Variants in ADGRB3 observed in about 807,000 individuals in gnomAD.
ADGRB3 encodes the protein adhesion G protein-coupled receptor B3.
In ADGRB3, 37 loss-of-function variants were observed where a neutral mutation model predicts 193.4. The ratio of observed to expected loss-of-function variants is 0.19; its 90% CI spans 0.15 to 0.25. The LOEUF (loss-of-function observed/expected upper bound fraction) is 0.25, where lower values mean the gene tolerates loss of function less well. Among genes scored for constraint, ADGRB3 ranks in the 10% least tolerant of loss-of-function variants. The pLI is 1.00. For missense variants in ADGRB3, 1,637 were observed against 1,852.9 expected, an observed-to-expected ratio of 0.88 and a Z score of 2.14; for synonymous variants, 690 against 644.2, an observed-to-expected ratio of 1.07 and a Z score of -1.08.
intron 15 of ADGRB3, among the ~76,000 whole-genome samples, chr6:69,051,122 TA>T (rs1360707254): frequency 1.3e-5 from 2 of 151,986 alleles, no homozygotes; most frequent in African/African-American, 4.8e-5. Flanking sequence ...TGTTTCAACT[TA>T]AAAAAAATTT....
intron 3 of ADGRB3, among the ~76,000 whole-genome samples, chr6:68,825,795 G>A (rs2127381924): frequency 6.6e-6 from 1 of 152,264 alleles, no homozygotes; most frequent in East Asian, 1.9e-4. Context: ...CTACCCCTTT[G>A]CTTTCCGCAA....
At chr6:68,859,217 C>T (rs1765081248) in intron 3 of ADGRB3, among the ~76,000 whole-genome samples, 1 of 152,192 alleles carries the variant, frequency 6.6e-6, no homozygotes, top group Non-Finnish European at 1.5e-5. Context: ...ACAAATTCCC[C>T]ATCTCCATCT....
chr6:69,056,422 G>T (rs1317298640), intron 15 of ADGRB3, among the ~76,000 whole-genome samples: 2 of 151,934 alleles, frequency 1.3e-5, no homozygotes, highest in African/African-American at 2.4e-5. Context: ...TTCATAGGTG[G>T]CCTTTTCATT....
At chr6:68,691,010 C>T (rs1765063251) in intron 3 of ADGRB3, among the ~76,000 whole-genome samples, 1 of 152,044 alleles carries the variant, frequency 6.6e-6, no homozygotes, top group South Asian at 2.1e-4. Flanking sequence ...TCCAACAGTG[C>T]AACATTATTT....
intron 3 of ADGRB3, among the ~76,000 whole-genome samples, chr6:68,733,096 T>C (rs1305260676): frequency 6.6e-6 from 1 of 151,782 alleles, no homozygotes; most frequent in Admixed American, 6.6e-5. Flanking sequence ...AGAACTACTG[T>C]TCCACCTGGC....
intron 8 of ADGRB3, among the ~76,000 whole-genome samples, chr6:68,965,362 C>G (rs1373472412): frequency 6.6e-6 from 1 of 152,140 alleles, no homozygotes; most frequent in Non-Finnish European, 1.5e-5. Context: ...TCTGCATCCT[C>G]CAGCACAGGG....
intron 26 of ADGRB3, among the ~76,000 whole-genome samples, chr6:69,341,303 CCTTT>C (rs1157217556): frequency 6.6e-6 from 1 of 152,156 alleles, no homozygotes; most frequent in Admixed American, 6.5e-5. Flanking sequence ...TTAATGATCG[CCTTT>C]CTAACTGGCA....
chr6:68,645,103 C>G (rs1768168722), intron 3 of ADGRB3, among the ~76,000 whole-genome samples: 1 of 151,932 alleles, frequency 6.6e-6, no homozygotes, highest in Admixed American at 6.6e-5. Context: ...GTATGTATTA[C>G]CTATAAAAGC....
At chr6:69,332,520 A>G (rs898297596) in intron 23 of ADGRB3, 1 of 985,282 alleles carries the variant, frequency 1.0e-6, no homozygotes, top group African/African-American at 1.7e-5. Flanking sequence ...GCCAGGGCTC[A>G]CCCTAACCTC....
intron 3 of ADGRB3, among the ~76,000 whole-genome samples, chr6:68,763,966 A>C (rs1766461655): frequency 6.6e-6 from 1 of 152,128 alleles, no homozygotes; most frequent in African/African-American, 2.4e-5. Context: ...CCAGCTACTC[A>C]GGAGGCTGAG....
Position 69,050,080 on chromosome 6 carries a change from A to G in ADGRB3, c.2333+734A>G, listed in dbSNP as rs530575642. On this transcript the variant is annotated intron_variant, in intron 15 of 31. Coordinates refer to ENST00000370598, the MANE Select transcript of ADGRB3 (RefSeq NM_001704.3). ...AGAGATAAAGTTGTTTTAGTTAAAT[A>G]CGATCACAGTTGGACTTCTTTGTTA... 1.1e-4 allele frequency among the ~76,000 whole-genome samples: 16 copies of G among 152,368 alleles called. No homozygotes were observed. The South Asian group carries it at 3.1e-3, about 30-fold the overall frequency.
At chr6:69,005,711 C>T (rs980561068) in intron 11 of ADGRB3, among the ~76,000 whole-genome samples, 1 of 152,100 alleles carries the variant, frequency 6.6e-6, no homozygotes, top group Non-Finnish European at 1.5e-5. Flanking sequence ...CCAGCCCTGC[C>T]ATCAGAAGCC....
chr6:68,930,947 TAAAG>T (rs956166404), intron 4 of ADGRB3, among the ~76,000 whole-genome samples: 15 of 152,084 alleles, frequency 9.9e-5, no homozygotes, highest in African/African-American at 3.4e-4. Flanking sequence ...ATTAAACTTT[TAAAG>T]AAAGACAGCC....
At chr6:69,103,605 A>G (rs1239676216) in intron 17 of ADGRB3, among the ~76,000 whole-genome samples, 2 of 152,004 alleles carry the variant, frequency 1.3e-5, no homozygotes, top group Non-Finnish European at 2.9e-5. Flanking sequence ...AAGTGGCTTC[A>G]AGATTTTAAA....
intron 4 of ADGRB3, among the ~76,000 whole-genome samples, chr6:68,935,697 G>C (rs1767468888): frequency 6.6e-6 from 1 of 152,046 alleles, no homozygotes; most frequent in Non-Finnish European, 1.5e-5. Flanking sequence ...GTTGGTCATA[G>C]AAATGTTTGA....
intron 3 of ADGRB3, among the ~76,000 whole-genome samples, chr6:68,693,816 G>T (rs1421776148): frequency 6.6e-6 from 1 of 151,924 alleles, no homozygotes; most frequent in Non-Finnish European, 1.5e-5. Context: ...GTTTTTAAGC[G>T]ATGGTCTTCA....
rs576890395 is a variant in ADGRB3, at chr6:68,880,329, A to G, written c.758-50230A>G. ...CAGATGGCCTATGGTATCAGTTTCA[A>G]ATAAATAGCTTCCTTCCTTTCCTAT... On this transcript the variant is annotated intron_variant, in intron 3 of 31. Coordinates refer to ENST00000370598, the MANE Select transcript of ADGRB3 (RefSeq NM_001704.3). Among the ~76,000 whole-genome samples the G allele has an allele frequency of 5.3e-5, 8 of 152,344 alleles. No individual in the cohort carries two copies. In the East Asian group the frequency reaches 1.5e-3, roughly 29 times the overall value.
At chr6:69,112,511 A>C (rs770022396) in intron 17 of ADGRB3, among the ~76,000 whole-genome samples, 2 of 152,098 alleles carry the variant, frequency 1.3e-5, no homozygotes, top group African/African-American at 4.8e-5. Flanking sequence ...GGTACGCTTC[A>C]CAAGCACATT....
chr6:68,674,721 A>G (rs1745036560), intron 3 of ADGRB3, among the ~76,000 whole-genome samples: 1 of 152,222 alleles, frequency 6.6e-6, no homozygotes, highest in South Asian at 2.1e-4. Context: ...GTCTATAGAG[A>G]TGCAAAGAAC....
Sources: allele counts gnomAD v4.1 joint callset (sites outside exome capture counted in the v4.1 genomes callset), GRCh38; gene constraint gnomAD v4.1.1; transcripts MANE v1.5; gene names NCBI Gene and HGNC (gene_info 2026-07-23, HGNC 2026-07-21).